AKAP7: variants seen among roughly 807,000 people sequenced by gnomAD.
The protein encoded by AKAP7 is A-kinase anchoring protein 7.
A neutral mutation model predicts 39.5 loss-of-function variants in AKAP7; 39 were observed. The observed-to-expected ratio is 0.99, with a 90% CI of 0.76 to 1.29. The LOEUF (loss-of-function observed/expected upper bound fraction) is 1.29, where lower values mean the gene tolerates loss of function less well. AKAP7 is among the 50% of genes most tolerant of loss of function. AKAP7 has a pLI of 0.00. For synonymous variants in AKAP7, 140 were observed against 139.1 expected, an observed-to-expected ratio of 1.01 and a Z score of -0.05; for missense variants, 414 against 407.7, an observed-to-expected ratio of 1.02 and a Z score of -0.13.
chr6:131,202,655 C>T (rs1303315424), intron 6 of AKAP7, among the ~76,000 whole-genome samples: 18 of 150,464 alleles, frequency 1.2e-4, no homozygotes, highest in South Asian at 2.1e-4. Context: ...ATATACCTAA[C>T]GCTAAATGAC....
rs1323803929 is a variant in AKAP7, at chr6:131,184,873, G to T, written c.590-14588G>T. 2.4e-6 allele frequency: 3 copies of T among 1,271,678 alleles called. No homozygotes were observed. The East Asian group carries it at 7.0e-5, about 30-fold the overall frequency. The allele number at this position is 1,271,678 out of a possible 1,614,324, so 78.8% of individuals were successfully genotyped here. A position where few individuals can be genotyped will look rare whatever the true frequency, so the allele number is the denominator to read the frequency against. ...TTTTCCACAAATGTCACAGGCATAGGGCTTATCCTGGTCCTCCAGGTTGGA... is the reference window on the plus strand; with the variant it reads ...TTTTCCACAAATGTCACAGGCATAGTGCTTATCCTGGTCCTCCAGGTTGGA... On this transcript the variant is annotated intron_variant, in intron 5 of 7. Transcript: ENST00000431975.
At position 131,156,596 on chromosome 6, in the gene AKAP7, CAT is replaced by C. The variant is rs571140075; in HGVS notation, c.152-3462_152-3461del. On this transcript the variant is annotated intron_variant, in intron 2 of 7. Transcript: ENST00000431975. ...TCGAGGTTACAGTGAGCTATGATTGCATCACTGCACTCCAGCCTGGGTGACAG... is the reference window on the plus strand; with the variant it reads ...TCGAGGTTACAGTGAGCTATGATTGCCACTGCACTCCAGCCTGGGTGACAG... 1.2e-3 allele frequency among the ~76,000 whole-genome samples: 186 copies of C among 152,142 alleles called. 1 individual carries two copies. Among genetic ancestry groups the C allele is most frequent in the African/African-American group, 3.7e-3 (155 of 41,514 alleles).
At chr6:131,241,066 C>G (rs1811512439) in intron 7 of AKAP7, among the ~76,000 whole-genome samples, 1 of 152,172 alleles carries the variant, frequency 6.6e-6, no homozygotes, top group Admixed American at 6.5e-5. Flanking sequence ...TTGGTTCCAC[C>G]CAGATCTTAT....
rs181123376 is a variant in AKAP7 at position 131,252,044 on chromosome 6, G to A, written c.851-29486G>A. On this transcript the variant is annotated intron_variant, in intron 7 of 7. Transcript: ENST00000431975. ...TTTCCCCTGGAGTGCCTGCTCTCCT[G>A]CTCTGTTTCTCTTCTTCCCCTGTCT... Among the ~76,000 whole-genome samples the A allele has an allele frequency of 7.9e-4, 120 of 152,304 alleles. 1 individual carries two copies. The highest frequency in any genetic ancestry group is 7.5e-3 in the Admixed American group (114 of 15,294).
At chr6:131,258,131 G>A (rs1223896483) in intron 7 of AKAP7, among the ~76,000 whole-genome samples, 1 of 152,154 alleles carries the variant, frequency 6.6e-6, no homozygotes, top group Non-Finnish European at 1.5e-5. Flanking sequence ...ATGAAATGTA[G>A]CCTTAAGTCA....
At chr6:131,157,670 A>G (rs1036498037) in intron 2 of AKAP7, among the ~76,000 whole-genome samples, 11 of 152,220 alleles carry the variant, frequency 7.2e-5, no homozygotes, top group African/African-American at 2.4e-4. Flanking sequence ...CAATTCACAT[A>G]ATTCTTATAA....
intron 7 of AKAP7, among the ~76,000 whole-genome samples, chr6:131,249,990 C>A (rs890190033): frequency 1.2e-4 from 19 of 152,190 alleles, no homozygotes; most frequent in Non-Finnish European, 1.0e-4. Context: ...ATTGTTCATG[C>A]AGTTTGCTAG....
chr6:131,162,664 CTTT>C lies in AKAP7; in HGVS notation c.292-2414_292-2412del, dbSNP rs1803092803. Among the ~76,000 whole-genome samples, 3 of 152,150 alleles carry C rather than the reference CTTT, an allele frequency of 2.0e-5. No individual in the cohort carries two copies. The South Asian group carries it at 6.2e-4, about 31-fold the overall frequency. ...TTGTTCGTCTCTCCTTCAGCCCTTG[CTTT>C]TTCTGCCCGAGCTCTTCTACCCTTC... On this transcript the variant is annotated intron_variant, in intron 3 of 7. Coordinates refer to ENST00000431975, the MANE Select transcript of AKAP7 (RefSeq NM_016377.4).
chr6:131,157,901 A>G (rs1802566689), intron 2 of AKAP7, among the ~76,000 whole-genome samples: 1 of 152,208 alleles, frequency 6.6e-6, no homozygotes, highest in Non-Finnish European at 1.5e-5. Flanking sequence ...CTTAATTCAT[A>G]ATGATATGGT....
intron 5 of AKAP7, chr6:131,185,387 T>C: frequency 1.9e-6 from 1 of 532,154 alleles, no homozygotes; most frequent in East Asian, 4.4e-5. Flanking sequence ...CATGCTGTGC[T>C]CAGCACAGAG....
intron 2 of AKAP7, among the ~76,000 whole-genome samples, chr6:131,159,254 C>T (rs1314114399): frequency 2.0e-5 from 3 of 152,050 alleles, no homozygotes; most frequent in Non-Finnish European, 4.4e-5. Flanking sequence ...CCAGCACACC[C>T]AGCTAATTTT....
chr6:131,192,778 A>C (rs1806546637), intron 5 of AKAP7, among the ~76,000 whole-genome samples: 1 of 152,056 alleles, frequency 6.6e-6, no homozygotes, highest in African/African-American at 2.4e-5. Flanking sequence ...TGTTTTATAG[A>C]GTTCATTGTA....
intron 6 of AKAP7, among the ~76,000 whole-genome samples, chr6:131,207,018 C>T (rs1808171735): frequency 1.3e-5 from 2 of 152,192 alleles, no homozygotes; most frequent in Admixed American, 6.5e-5. Flanking sequence ...TGGACAAAAT[C>T]ACATAACCTC....
intron 5 of AKAP7, among the ~76,000 whole-genome samples, chr6:131,178,379 GCAGA>G (rs1804776945): frequency 6.6e-6 from 1 of 152,134 alleles, no homozygotes; most frequent in Non-Finnish European, 1.5e-5. Context: ...TATTGGGCAC[GCAGA>G]CAATGTTAAA....
intron 2 of AKAP7, among the ~76,000 whole-genome samples, chr6:131,154,474 T>G (rs1802239156): frequency 6.6e-6 from 1 of 150,900 alleles, no homozygotes. Context: ...CCCTGTTTTT[T>G]TTTTTTTTTT....
intron 7 of AKAP7, among the ~76,000 whole-genome samples, chr6:131,222,422 G>A (rs888032534): frequency 6.6e-6 from 1 of 152,094 alleles, no homozygotes; most frequent in African/African-American, 2.4e-5. Context: ...AGCTACTCGG[G>A]AGGCTGAGGC....
chr6:131,149,676 C>T (rs1483589920), intron 2 of AKAP7, among the ~76,000 whole-genome samples: 3 of 152,164 alleles, frequency 2.0e-5, no homozygotes, highest in African/African-American at 7.2e-5. Flanking sequence ...GACAGTACAA[C>T]CTGTGCCACA....
At chr6:131,210,026 C>T (rs1369133722) in intron 6 of AKAP7, among the ~76,000 whole-genome samples, 1 of 152,182 alleles carries the variant, frequency 6.6e-6, no homozygotes, top group African/African-American at 2.4e-5. Context: ...TTTTCTGTCA[C>T]TGGAAAGATT....
At chr6:131,161,508 G>A (rs1290280562) in intron 3 of AKAP7, among the ~76,000 whole-genome samples, 1 of 151,390 alleles carries the variant, frequency 6.6e-6, no homozygotes, top group East Asian at 1.9e-4. Context: ...AGCTGGGCAT[G>A]GTGGCTCACA....
Sources: gnomAD v4.1 joint callset for allele counts (sites outside exome capture counted in the v4.1 genomes callset) on GRCh38, gnomAD v4.1.1 for gene constraint, MANE v1.5 for transcripts, NCBI Gene and HGNC (gene_info 2026-07-23, HGNC 2026-07-21) for gene names.